NRXN1: variants seen among roughly 807,000 people sequenced by gnomAD.
The protein encoded by NRXN1 is neurexin-1.
Under a neutral mutation model 150.9 loss-of-function variants are expected in NRXN1, and 39 were observed. The ratio of observed to expected loss-of-function variants is 0.26; its 90% CI spans 0.20 to 0.34. The LOEUF (loss-of-function observed/expected upper bound fraction) is 0.34, where lower values mean the gene tolerates loss of function less well. Ranked by LOEUF, NRXN1 falls within the 10% of genes least tolerant of loss-of-function variation. NRXN1 has a pLI of 1.00. For missense variants in NRXN1, 1,815 were observed against 1,949.9 expected, an observed-to-expected ratio of 0.93 and a Z score of 1.30; for synonymous variants, 924 against 757.0, an observed-to-expected ratio of 1.22 and a Z score of -3.62.
intron 5 of NRXN1, among the ~76,000 whole-genome samples, chr2:50,638,146 G>C (rs985493309): frequency 5.9e-5 from 9 of 152,136 alleles, no homozygotes; most frequent in Non-Finnish European, 1.2e-4. Context: ...CTCTAGATCA[G>C]TTGACTCAAA....
chr2:50,818,322 T>C (rs1416340272), intron 5 of NRXN1, among the ~76,000 whole-genome samples: 1 of 152,108 alleles, frequency 6.6e-6, no homozygotes, highest in East Asian at 1.9e-4. Context: ...ACAGGATGCC[T>C]TTCTATTTAT....
chr2:50,740,348 T>C (rs981553091), intron 5 of NRXN1, among the ~76,000 whole-genome samples: 2 of 152,200 alleles, frequency 1.3e-5, no homozygotes, highest in Non-Finnish European at 2.9e-5. Flanking sequence ...CCCAGCATCC[T>C]AGTTTATCTA....
At chr2:50,544,142 AAATG>A (rs1264694549) in intron 9 of NRXN1, among the ~76,000 whole-genome samples, 1 of 152,194 alleles carries the variant, frequency 6.6e-6, no homozygotes, top group African/African-American at 2.4e-5. Flanking sequence ...GTCCCTACAC[AAATG>A]AATCAGATTT....
At chr2:50,646,154 T>C (rs1684785485) in intron 5 of NRXN1, among the ~76,000 whole-genome samples, 1 of 151,948 alleles carries the variant, frequency 6.6e-6, no homozygotes. Flanking sequence ...AGACTGGTAA[T>C]ATACTATTAG....
At chr2:50,733,084 T>A (rs1436533757) in intron 5 of NRXN1, among the ~76,000 whole-genome samples, 1 of 152,152 alleles carries the variant, frequency 6.6e-6, no homozygotes, top group Admixed American at 6.5e-5. Context: ...GACTGAAATA[T>A]CTAATGAGGA....
chr2:50,542,412 G>T (rs1163602960), intron 9 of NRXN1, among the ~76,000 whole-genome samples: 2 of 152,138 alleles, frequency 1.3e-5, no homozygotes, highest in African/African-American at 4.8e-5. Context: ...TTGAGCTCTG[G>T]ATTCAAAGTT....
chr2:50,923,746 G>A (rs992985431), intron 3 of NRXN1, among the ~76,000 whole-genome samples: 2 of 151,702 alleles, frequency 1.3e-5, no homozygotes, highest in Non-Finnish European at 2.9e-5. Context: ...AATTTCCAGT[G>A]CTATTTCAGA....
At chr2:51,007,924 A>G (rs1041996825) in intron 2 of NRXN1, among the ~76,000 whole-genome samples, 7 of 151,992 alleles carry the variant, frequency 4.6e-5, no homozygotes, top group African/African-American at 1.4e-4. Context: ...AAAGGAAATA[A>G]CAGTGGAAAG....
chr2:50,188,938 C>A (rs2061267872), intron 18 of NRXN1, among the ~76,000 whole-genome samples: 1 of 152,144 alleles, frequency 6.6e-6, no homozygotes, highest in African/African-American at 2.4e-5. Context: ...ATTAGTTCAA[C>A]CATTGTGGAA....
intron 17 of NRXN1, among the ~76,000 whole-genome samples, chr2:50,278,437 A>G (rs1460313786): frequency 1.3e-5 from 2 of 148,932 alleles, no homozygotes; most frequent in East Asian, 2.0e-4. Flanking sequence ...CAGATGTGAG[A>G]CACTGTGCCT....
rs1251448572 is a variant in NRXN1 at position 51,032,009 on chromosome 2, C to G, written c.-950G>C. 6.6e-6 allele frequency: 1 copy of G among 152,192 alleles called. No homozygotes were observed. The highest frequency in any genetic ancestry group is 2.4e-5 in the African/African-American group (1 of 41,408). 9.4% of individuals were successfully genotyped at this position (152,192 alleles called of 1,614,324 possible). On this transcript the variant is annotated 5_prime_UTR_variant, in exon 1 of 23. Coordinates refer to ENST00000401669, the MANE Select transcript of NRXN1 (RefSeq NM_001330078.2). ...CCCGGTTATTCCCCTCAGCTCGAGCCAGAGCCTGAAGCATGCATCGGTCAA... is the reference window on the plus strand; with the variant it reads ...CCCGGTTATTCCCCTCAGCTCGAGCGAGAGCCTGAAGCATGCATCGGTCAA...
chr2:50,572,084 T>C (rs1333571781), intron 8 of NRXN1, among the ~76,000 whole-genome samples: 2 of 152,110 alleles, frequency 1.3e-5, no homozygotes, highest in Admixed American at 6.5e-5. Context: ...AAGTCCTTTG[T>C]ATTTTCAGGT....
rs150833165 is a variant in NRXN1, at chr2:50,372,549, T to C, written c.3364+92893A>G. ...AATAATCCAGTACTTTGCCCAGAGG[T>C]TGAGTCAGAAACAAAGAACAAAAAA... On this transcript the variant is annotated intron_variant, in intron 17 of 22. Coordinates refer to ENST00000401669, the MANE Select transcript of NRXN1 (RefSeq NM_001330078.2). Among the ~76,000 whole-genome samples the C allele has an allele frequency of 2.2e-4, 34 of 152,134 alleles. No homozygotes were observed. The East Asian group carries it at 5.0e-3, about 23-fold the overall frequency.
intron 12 of NRXN1, among the ~76,000 whole-genome samples, chr2:50,519,125 A>C (rs1231251784): frequency 6.6e-6 from 1 of 151,904 alleles, no homozygotes; most frequent in Admixed American, 6.6e-5. Context: ...TTACATAATG[A>C]TTGTTCAAAT....
chr2:50,744,725 A>T (rs965593842), intron 5 of NRXN1, among the ~76,000 whole-genome samples: 6 of 152,162 alleles, frequency 3.9e-5, no homozygotes, highest in Admixed American at 2.6e-4. Context: ...TGAGCTTTAG[A>T]TTGTGAATAT....
chr2:49,969,972 G>A (rs1466051705), intron 21 of NRXN1: 1 of 152,066 alleles, frequency 6.6e-6, no homozygotes, highest in Non-Finnish European at 1.5e-5. Context: ...TAAAAAAGCA[G>A]GGGGAACAAA....
At chr2:50,314,827 T>C (rs2075461361) in intron 17 of NRXN1, among the ~76,000 whole-genome samples, 1 of 152,050 alleles carries the variant, frequency 6.6e-6, no homozygotes, top group Admixed American at 6.6e-5. Flanking sequence ...ACTTCTATTG[T>C]GGCCTGAGCC....
At chr2:50,873,571 C>T (rs576836543) in intron 5 of NRXN1, among the ~76,000 whole-genome samples, 72 of 151,706 alleles carry the variant, frequency 4.7e-4, no homozygotes, top group Admixed American at 6.6e-4. Context: ...TCATTTTGGG[C>T]GGGGTGGTTT....
intron 5 of NRXN1, among the ~76,000 whole-genome samples, chr2:50,732,793 T>C (rs1413724521): frequency 6.6e-6 from 1 of 152,148 alleles, no homozygotes; most frequent in African/African-American, 2.4e-5. Flanking sequence ...TGCTTTTATA[T>C]CTATAGCATC....
Sources: allele counts gnomAD v4.1 joint callset (sites outside exome capture counted in the v4.1 genomes callset), GRCh38; gene constraint gnomAD v4.1.1; transcripts MANE v1.5; gene names NCBI Gene and HGNC (gene_info 2026-07-23, HGNC 2026-07-21).